Variants in STXBP5L observed in about 807,000 individuals in gnomAD.
The protein encoded by STXBP5L is syntaxin-binding protein 5-like.
In STXBP5L, 65 loss-of-function variants were observed where a neutral mutation model predicts 144.5. The observed-to-expected ratio is 0.45, with a 90% CI of 0.37 to 0.55. The LOEUF is 0.55. Ranked by LOEUF, STXBP5L falls within the 20% of genes least tolerant of loss-of-function variation. STXBP5L has a pLI of 0.00. For missense variants in STXBP5L, 1,298 were observed against 1,405.5 expected, an observed-to-expected ratio of 0.92 and a Z score of 1.22; for synonymous variants, 505 against 469.6, an observed-to-expected ratio of 1.08 and a Z score of -0.97.
chr3:121,179,644 T>C (rs2047064604), intron 9 of STXBP5L, among the ~76,000 whole-genome samples: 1 of 152,034 alleles, frequency 6.6e-6, no homozygotes, highest in South Asian at 2.1e-4. Context: ...CTCAAGGAAA[T>C]ACCAGAGAAA....
chr3:121,012,563 C>T (rs569963064), intron 3 of STXBP5L, among the ~76,000 whole-genome samples: 1 of 151,776 alleles, frequency 6.6e-6, no homozygotes, highest in East Asian at 1.9e-4. Context: ...TTTTGATAGG[C>T]ATGTCCCTGG....
At chr3:121,207,117 T>C (rs1251498735) in intron 10 of STXBP5L, among the ~76,000 whole-genome samples, 1 of 152,182 alleles carries the variant, frequency 6.6e-6, no homozygotes, top group Non-Finnish European at 1.5e-5. Flanking sequence ...CTCTTTAGCC[T>C]ACTATGCATT....
intron 20 of STXBP5L, among the ~76,000 whole-genome samples, chr3:121,362,580 A>C (rs2045743297): frequency 6.6e-6 from 1 of 152,146 alleles, no homozygotes; most frequent in Non-Finnish European, 1.5e-5. Flanking sequence ...AGGTCACTTA[A>C]GTCAGCTTAT....
chr3:121,112,347 G>C (rs765723596), intron 5 of STXBP5L, among the ~76,000 whole-genome samples: 1 of 152,150 alleles, frequency 6.6e-6, no homozygotes. Flanking sequence ...TGGTTTTCCT[G>C]GTGGTAGGTA....
intron 3 of STXBP5L, among the ~76,000 whole-genome samples, chr3:120,976,352 C>G (rs1420823807): frequency 6.6e-6 from 1 of 152,164 alleles, no homozygotes; most frequent in Admixed American, 6.5e-5. Context: ...GTAGTATTCT[C>G]TGATAGTAGT....
In STXBP5L at chr3:120,990,689, A is replaced by G. The variant is rs185699993; in HGVS notation, c.287+35652A>G. Among the ~76,000 whole-genome samples, 1,407 of 152,326 alleles carry G rather than the reference A, an allele frequency of 9.2e-3. 14 individuals carry two copies. Among genetic ancestry groups the G allele is most frequent in the Non-Finnish European group, 0.015 (1,039 of 68,032 alleles). ...GAAATAATGCCGGATATTTACAACT[A>G]TCTGATCTTTGACAAACGTGACAAA... On this transcript the variant is annotated intron_variant, in intron 3 of 26. Coordinates refer to ENST00000471454, the MANE Select transcript of STXBP5L (RefSeq NM_001308330.2).
At chr3:121,132,419 G>T (rs1037142941) in intron 7 of STXBP5L, among the ~76,000 whole-genome samples, 4 of 152,136 alleles carry the variant, frequency 2.6e-5, no homozygotes, top group Non-Finnish European at 4.4e-5. Context: ...ACCCCACTGG[G>T]GTCAGCACAG....
At chr3:121,001,652 T>G (rs1943787302) in intron 3 of STXBP5L, among the ~76,000 whole-genome samples, 1 of 152,158 alleles carries the variant, frequency 6.6e-6, no homozygotes, top group Admixed American at 6.5e-5. Context: ...ACTCCATGCC[T>G]ATTTAACTCA....
rs148266623 is a variant in STXBP5L, at chr3:121,198,497, A to G, written c.878-7426A>G. On this transcript the variant is annotated intron_variant, in intron 9 of 26. Transcript: ENST00000471454. ...AAACTCATAAGTTTGATTAGATCCC[A>G]TATGTCAATTTTGGCTTTTGTTGCC... Among the ~76,000 whole-genome samples the G allele has an allele frequency of 3.2e-3, 487 of 152,238 alleles. 3 individuals are homozygous for G. Among genetic ancestry groups the G allele is most frequent in the African/African-American group, 0.011 (458 of 41,550 alleles).
At chr3:120,994,754 G>A (rs896106046) in intron 3 of STXBP5L, among the ~76,000 whole-genome samples, 2 of 151,662 alleles carry the variant, frequency 1.3e-5, no homozygotes, top group Admixed American at 1.3e-4. Flanking sequence ...TTTGTTGCAT[G>A]GTTTTCTGGT....
Position 121,051,991 on chromosome 3 carries a change from T to C in STXBP5L, c.470+6456T>C, listed in dbSNP as rs138144301. ...AACTAGAAAATCTAGAAGAAATGGATAAATTCCTGGACACATACACCCTCC... is the reference window on the plus strand; with the variant it reads ...AACTAGAAAATCTAGAAGAAATGGACAAATTCCTGGACACATACACCCTCC... On this transcript the variant is annotated intron_variant, in intron 5 of 26. Transcript: ENST00000471454. Among the ~76,000 whole-genome samples the C allele has an allele frequency of 3.3e-5, 5 of 152,232 alleles. No homozygotes were observed. The East Asian group carries it at 9.7e-4, about 29-fold the overall frequency.
At chr3:121,219,620 T>A (rs1293496626) in intron 10 of STXBP5L, among the ~76,000 whole-genome samples, 1 of 152,202 alleles carries the variant, frequency 6.6e-6, no homozygotes, top group African/African-American at 2.4e-5. Context: ...TATTGATTTA[T>A]ATACTGACTA....
intron 5 of STXBP5L, among the ~76,000 whole-genome samples, chr3:121,076,394 GT>G (rs1560096712): frequency 6.6e-6 from 1 of 152,094 alleles, no homozygotes; most frequent in African/African-American, 2.4e-5. Context: ...CTGTAAGATG[GT>G]TTTTTTCTGC....
chr3:120,954,077 A>G (rs1476666386), intron 2 of STXBP5L, among the ~76,000 whole-genome samples: 3 of 152,166 alleles, frequency 2.0e-5, no homozygotes, highest in African/African-American at 7.2e-5. Context: ...TCATGTATCT[A>G]TCTATCCATC....
intron 20 of STXBP5L, among the ~76,000 whole-genome samples, chr3:121,362,516 C>T (rs1392717617): frequency 2.6e-5 from 4 of 152,202 alleles, no homozygotes; most frequent in Non-Finnish European, 5.9e-5. Context: ...GCCGCCACCA[C>T]CCCAGGCCAT....
Position 121,257,158 on chromosome 3 carries a change from A to T in STXBP5L, c.1660-3A>T. 7 of 1,567,846 alleles carry T rather than the reference A, an allele frequency of 4.5e-6. No homozygotes were observed. Among genetic ancestry groups the T allele is most frequent in the Non-Finnish European group, 6.1e-6 (7 of 1,154,142 alleles). On this transcript the variant is annotated splice_region_variant and splice_polypyrimidine_tract_variant and intron_variant, in intron 16 of 26. Coordinates refer to ENST00000471454, the MANE Select transcript of STXBP5L (RefSeq NM_001308330.2). ...AATTAAATTTAAACTTGATTTTTTT[A>T]AGTCATTAGAGGTACGACTTCAGTA...
intron 5 of STXBP5L, among the ~76,000 whole-genome samples, chr3:121,084,904 A>G (rs911346775): frequency 6.6e-6 from 1 of 152,126 alleles, no homozygotes; most frequent in African/African-American, 2.4e-5. Context: ...AATGGTCATC[A>G]TTCTGACTGG....
At position 121,256,962 on chromosome 3, in the gene STXBP5L, TTAAC is replaced by T. The variant is rs553864526; in HGVS notation, c.1660-196_1660-193del. 2.2e-3 allele frequency among the ~76,000 whole-genome samples: 329 copies of T among 152,180 alleles called. 3 individuals carry two copies. Among genetic ancestry groups the T allele is most frequent in the Non-Finnish European group, 3.5e-3 (239 of 67,960 alleles). On this transcript the variant is annotated intron_variant, in intron 16 of 26. Transcript: ENST00000471454. The stretch of plus-strand genomic sequence containing the variant: ...GATTGCCATTGAATATTCCATATAA[TTAAC>T]TATTTGATTTAGTATGAGATACTTC...
chr3:121,262,246 T>A (rs1170660693), intron 18 of STXBP5L, among the ~76,000 whole-genome samples: 1 of 152,236 alleles, frequency 6.6e-6, no homozygotes, highest in Non-Finnish European at 1.5e-5. Context: ...CTTTCTCATA[T>A]GCAAAATACA....
Sources: allele counts gnomAD v4.1 joint callset (sites outside exome capture counted in the v4.1 genomes callset), GRCh38; gene constraint gnomAD v4.1.1; transcripts MANE v1.5; gene names NCBI Gene and HGNC (gene_info 2026-07-23, HGNC 2026-07-21).